HAS3: variants seen among roughly 807,000 people sequenced by gnomAD.
The protein encoded by HAS3 is HA synthase 3.
Under a neutral mutation model 50.3 loss-of-function variants are expected in HAS3, and 27 were observed. The ratio of observed to expected loss-of-function variants is 0.54; its 90% CI spans 0.40 to 0.74. HAS3 has a LOEUF of 0.74. Among genes scored for constraint, HAS3 ranks in the 30% least tolerant of loss-of-function variants. The pLI is 0.00. For missense variants in HAS3, 517 were observed against 742.8 expected, an observed-to-expected ratio of 0.70 and a Z score of 3.53; for synonymous variants, 339 against 310.9, an observed-to-expected ratio of 1.09 and a Z score of -0.95.
the HAS3 span, among the ~76,000 whole-genome samples, chr16:69,087,892 CAG>C: frequency 2.6e-5 from 4 of 151,512 alleles, no homozygotes; most frequent in Admixed American, 2.0e-4. Flanking sequence ...TTAGTAGAGA[CAG>C]GGTTTCGCCA....
At chr16:69,086,869 A>G in the HAS3 span, among the ~76,000 whole-genome samples, 1 of 152,114 alleles carries the variant, frequency 6.6e-6, no homozygotes, top group Non-Finnish European at 1.5e-5. Context: ...GCGCCATTGC[A>G]CTCCAGCCTG....
At chr16:69,096,986 A>G in the HAS3 span, among the ~76,000 whole-genome samples, 1 of 151,856 alleles carries the variant, frequency 6.6e-6, no homozygotes, top group African/African-American at 2.4e-5. Flanking sequence ...GTGAAACCCC[A>G]TCTCTACAAA....
chr16:69,117,145 C>T lies in HAS3; in HGVS notation c.*1879C>T, dbSNP rs1240203125. On this transcript the variant is annotated 3_prime_UTR_variant, in exon 4 of 4. Coordinates refer to ENST00000569188, the MANE Select transcript of HAS3 (RefSeq NM_001199280.2). The stretch of plus-strand genomic sequence containing the variant: ...AAGGCAGCTGATCCAGGCAATCGTT[C>T]TGCTGGCCAAGAAGTTAAACTATTT... 3 of 985,756 alleles carry T rather than the reference C, an allele frequency of 3.0e-6. No homozygotes were observed. Among genetic ancestry groups the T allele is most frequent in the Non-Finnish European group, 2.4e-6 (2 of 829,942 alleles). 61.1% of individuals were successfully genotyped at this position (985,756 alleles called of 1,614,324 possible). A position where few individuals can be genotyped will look rare whatever the true frequency, so the allele number is the denominator to read the frequency against.
the HAS3 span, among the ~76,000 whole-genome samples, chr16:69,089,346 A>G: frequency 6.6e-6 from 1 of 152,240 alleles, no homozygotes; most frequent in South Asian, 2.1e-4. Flanking sequence ...AATCTCGGCC[A>G]GAATTTCTGT....
At position 69,115,957 on chromosome 16, in the gene HAS3, T is replaced by C; in HGVS notation, c.*691T>C. The C allele has an allele frequency of 1.0e-6, 1 of 985,818 alleles. No homozygotes were observed. Among genetic ancestry groups the C allele is most frequent in the Non-Finnish European group, 1.2e-6 (1 of 829,918 alleles). The allele number at this position is 985,818 out of a possible 1,614,324, so 61.1% of individuals were successfully genotyped here. On this transcript the variant is annotated 3_prime_UTR_variant, in exon 4 of 4. Transcript: ENST00000569188. ...AAGTTTGCCAGGAGGAACAAAGAGA[T>C]TGTGGTGGTGCTAAAGGAGGCCATA... is the stretch of plus-strand genomic sequence containing the variant.
the HAS3 span, among the ~76,000 whole-genome samples, chr16:69,099,396 C>T: frequency 6.6e-6 from 1 of 151,992 alleles, no homozygotes; most frequent in Admixed American, 6.6e-5. Context: ...GGCGCAATCT[C>T]GGCTCACTGC....
At position 69,116,312 on chromosome 16, in the gene HAS3, TCAG is replaced by T. The variant is rs1364683116; in HGVS notation, c.*1050_*1052del. 13 of 985,748 alleles carry T rather than the reference TCAG, an allele frequency of 1.3e-5. No homozygotes were observed. The highest frequency in any genetic ancestry group is 6.1e-5 in the Admixed American group (1 of 16,276). The allele number at this position is 985,748 out of a possible 1,614,324, so 61.1% of individuals were successfully genotyped here. On this transcript the variant is annotated 3_prime_UTR_variant, in exon 4 of 4. Coordinates refer to ENST00000569188, the MANE Select transcript of HAS3 (RefSeq NM_001199280.2). ...CGGAGCCCCGGCTCTTATAGAAGCT[TCAG>T]CAGGAGGCAAGCGTGTTCTCAGCAC...
chr16:69,096,293 A>AGGT, the HAS3 span, among the ~76,000 whole-genome samples: 1 of 138,108 alleles, frequency 7.2e-6, no homozygotes, highest in Non-Finnish European at 1.5e-5. Context: ...AGCACTTTGG[A>AGGT]GGTGAGGCAG....
upstream of HAS3, among the ~76,000 whole-genome samples, chr16:69,100,908 G>A (rs899333989): frequency 5.3e-5 from 8 of 152,186 alleles, no homozygotes; most frequent in Non-Finnish European, 1.2e-4. Flanking sequence ...TATTCCTGGC[G>A]TGCAAGGCAC....
chr16:69,112,416 T>A (rs1010374621), intron 2 of HAS3, among the ~76,000 whole-genome samples: 4 of 152,210 alleles, frequency 2.6e-5, no homozygotes, highest in African/African-American at 9.6e-5. Context: ...CTTAGCCTTC[T>A]ACTGCTTATC....
chr16:69,113,530 G>A lies in HAS3; in HGVS notation c.726G>A (p.Gly242=), dbSNP rs754786734. The A allele has an allele frequency of 2.5e-6, 4 of 1,602,514 alleles. No homozygotes were observed. The highest frequency in any genetic ancestry group is 2.2e-5 in the South Asian group (2 of 90,814). Residue 242 remains glycine, a synonymous_variant, in exon 3 of 4, where the codon GGG becomes GGA. Coordinates refer to ENST00000569188, the MANE Select transcript of HAS3 (RefSeq NM_001199280.2). ...AGGATCCCCAAGTAGGGGGAGTCGG[G>A]GGAGATGTCCAGGTAAGATGAGACC... is the stretch of plus-strand genomic sequence containing the variant. The part of the protein sequence containing the change: ...LEEDPQVGGV[G]GDVQILNKYD...
chr16:69,115,132 C>T lies in HAS3; in HGVS notation c.1528C>T (p.Leu510=), dbSNP rs150339274. The change falls in exon 4 of 4, where the codon CTA becomes TTA. Residue 510 remains leucine (L), a synonymous_variant. Coordinates refer to ENST00000569188, the MANE Select transcript of HAS3 (RefSeq NM_001199280.2). The part of the protein sequence containing the change: ...YCQDLFSETE[L]AFLVSGAILY... ...CCAGGACCTGTTCAGTGAGACAGAG[C>T]TAGCCTTCCTTGTCTCTGGGGCTAT... 4.9e-5 allele frequency: 79 copies of T among 1,610,244 alleles called. 1 individual carries two copies. In the East Asian group the frequency reaches 1.5e-3, roughly 31 times the overall value.
downstream of HAS3, chr16:69,118,488 G>A (rs117169105): frequency 1.5e-6 from 2 of 1,353,348 alleles, no homozygotes; most frequent in Non-Finnish European, 2.1e-6. Context: ...GTGAGCAGGG[G>A]ACTACATGTG....
chr16:69,096,188 C>G, the HAS3 span, among the ~76,000 whole-genome samples: 1 of 141,016 alleles, frequency 7.1e-6, no homozygotes, highest in Non-Finnish European at 1.5e-5. Context: ...TGCACTCCAG[C>G]CTGGGCGACG....
At chr16:69,086,987 T>C in the HAS3 span, among the ~76,000 whole-genome samples, 2 of 152,162 alleles carry the variant, frequency 1.3e-5, no homozygotes, top group Non-Finnish European at 1.5e-5. Flanking sequence ...CTGTGAGGTG[T>C]GTCTTGCCTC....
intron 1 of HAS3, 150 bp downstream of exon 1, chr16:69,105,937 C>A (rs907420933): frequency 6.6e-6 from 1 of 152,318 alleles, no homozygotes; most frequent in African/African-American, 2.4e-5. Flanking sequence ...CAGCTGGTCC[C>A]AGGGCGATTG....
intron 3 of HAS3, 56 bp downstream of exon 3, chr16:69,113,598 C>T (rs573655206): frequency 3.0e-5 from 31 of 1,023,028 alleles, no homozygotes; most frequent in Non-Finnish European, 4.6e-5. Flanking sequence ...TTTCCTAATC[C>T]AATTGGATAT....
chr16:69,107,242 A>C lies in HAS3; in HGVS notation c.-1+1455A>C. The C allele has an allele frequency of 1.4e-6, 1 of 714,672 alleles. No homozygotes were observed. The highest frequency in any genetic ancestry group is 1.7e-6 in the Non-Finnish European group (1 of 586,176). The allele number at this position is 714,672 out of a possible 1,614,324, so 44.3% of individuals were successfully genotyped here. On this transcript the variant is annotated intron_variant, in intron 1 of 3. Transcript: ENST00000569188. The surrounding 1 kb of genome is among the most constrained non-coding windows in gnomAD (Gnocchi z 5.5). ...TGCACGTGGGGTATCTGGCTGAGGGACATTTTGGGGGCCTCTATTTGGGGG... is the reference window on the plus strand; with the variant it reads ...TGCACGTGGGGTATCTGGCTGAGGGCCATTTTGGGGGCCTCTATTTGGGGG...
downstream of HAS3, chr16:69,118,342 TTC>T (rs756938569): frequency 2.6e-6 from 4 of 1,525,008 alleles, no homozygotes; most frequent in Non-Finnish European, 3.6e-6. Context: ...CATCTCCCTG[TTC>T]TGTGTTCAAG....
Sources: allele counts gnomAD v4.1 joint callset (sites outside exome capture counted in the v4.1 genomes callset), GRCh38; gene constraint gnomAD v4.1.1; non-coding constraint Gnocchi (gnomAD v3.1); transcripts MANE v1.5; gene names NCBI Gene and HGNC (gene_info 2026-07-23, HGNC 2026-07-21).